The following SESTD1 variants were observed in gnomAD, a reference collection of about 807,000 sequenced individuals.
SESTD1 encodes the protein SEC14 and spectrin domain containing 1, also known as SEC14 domain and spectrin repeat-containing protein 1.
A neutral mutation model predicts 101.7 loss-of-function variants in SESTD1; 43 were observed. That is an observed-to-expected ratio of 0.42 (90% CI 0.33 to 0.55). The LOEUF is 0.55. Ranked by LOEUF, SESTD1 falls within the 20% of genes least tolerant of loss-of-function variation. SESTD1 has a pLI of 0.07. For missense variants in SESTD1, 647 were observed against 815.1 expected (o/e 0.79, Z 2.51); for synonymous variants, 283 against 286.8 (o/e 0.99, Z 0.13).
At chr2:179,234,887 T>C (rs368067771) in intron 1 of SESTD1, among the ~76,000 whole-genome samples, 79 of 151,780 alleles carry the variant, frequency 5.2e-4, no homozygotes, top group African/African-American at 1.7e-3. Flanking sequence ...GGTGGGAGGA[T>C]TGCTTGAGGC....
At position 179,107,391 on chromosome 2, in the gene SESTD1, G is replaced by C. The variant is rs2044407184; in HGVS notation, c.*2508C>G. On this transcript the variant is annotated 3_prime_UTR_variant, in exon 18 of 18. Transcript: ENST00000428443. Reference sequence around the variant, plus strand: ...ATCCTGCCTTATTTTACTTTTTGTAGGCAAGATAGCTTAAGGTATATAAAA... The same window carrying C: ...ATCCTGCCTTATTTTACTTTTTGTACGCAAGATAGCTTAAGGTATATAAAA... The C allele has an allele frequency of 6.6e-6, 1 of 152,040 alleles. No homozygotes were observed. Among genetic ancestry groups the C allele is most frequent in the Non-Finnish European group, 1.5e-5 (1 of 67,988 alleles). The allele number at this position is 152,040 out of a possible 1,614,324, so 9.4% of individuals were successfully genotyped here.
intron 17 of SESTD1, among the ~76,000 whole-genome samples, chr2:179,111,977 C>T (rs1233713559): frequency 1.3e-5 from 2 of 152,146 alleles, no homozygotes; most frequent in African/African-American, 4.8e-5. Flanking sequence ...CTTTGGCCTC[C>T]CAAACTGCTG....
chr2:179,203,743 C>G (rs1013273904), intron 1 of SESTD1, among the ~76,000 whole-genome samples: 5 of 133,830 alleles, frequency 3.7e-5, no homozygotes, highest in African/African-American at 5.9e-5. Context: ...GGACCCAATA[C>G]TTGTGCCTGG....
At position 179,154,216 on chromosome 2, in the gene SESTD1, G is replaced by A. The variant is rs1280959381; in HGVS notation, c.370-2825C>T. Reference sequence around the variant, plus strand: ...ACTGCACTCCAGCCTGGGGGTCAGAGAACCCCATGAAGAAAAGAACGGAAG... The same window carrying A: ...ACTGCACTCCAGCCTGGGGGTCAGAAAACCCCATGAAGAAAAGAACGGAAG... On this transcript the variant is annotated intron_variant, in intron 5 of 17. Coordinates refer to ENST00000428443, the MANE Select transcript of SESTD1 (RefSeq NM_178123.5). 2.1e-5 allele frequency among the ~76,000 whole-genome samples: 3 copies of A among 142,500 alleles called. No individual in the cohort carries two copies. In the Admixed American group the frequency reaches 2.2e-4, roughly 10 times the overall value. The allele number at this position is 142,500 out of a possible 152,430, so 93.5% of individuals were successfully genotyped here. A position where few individuals can be genotyped will look rare whatever the true frequency, so the allele number is the denominator to read the frequency against.
chr2:179,137,839 G>C (rs544340184), intron 9 of SESTD1, among the ~76,000 whole-genome samples: 1 of 152,256 alleles, frequency 6.6e-6, no homozygotes, highest in Non-Finnish European at 1.5e-5. Flanking sequence ...TGATTTAACA[G>C]AGATACTCAG....
At chr2:179,201,951 A>C (rs1033392569) in intron 1 of SESTD1, among the ~76,000 whole-genome samples, 2 of 128,434 alleles carry the variant, frequency 1.6e-5, no homozygotes, top group Non-Finnish European at 3.3e-5. Context: ...TAATAATAAT[A>C]ATAATAAAGA....
At chr2:179,164,031 T>C (rs776941974) in intron 5 of SESTD1, among the ~76,000 whole-genome samples, 14 of 152,214 alleles carry the variant, frequency 9.2e-5, no homozygotes, top group Non-Finnish European at 2.1e-4. Context: ...TTGCTAAGAA[T>C]GTGCGTGCAA....
Position 179,105,745 on chromosome 2 carries a change from G to A in SESTD1, c.*4154C>T, listed in dbSNP as rs975556052. On this transcript the variant is annotated 3_prime_UTR_variant, in exon 18 of 18. Coordinates refer to ENST00000428443, the MANE Select transcript of SESTD1 (RefSeq NM_178123.5). ...CATATTTTATTCTTGAAATTGGTAT[G>A]ACTTCTCTGTTTTACAGCCTGAGAT... is the stretch of plus-strand genomic sequence containing the variant. The A allele has an allele frequency of 1.3e-5, 2 of 152,108 alleles. No homozygotes were observed. Among genetic ancestry groups the A allele is most frequent in the Non-Finnish European group, 2.9e-5 (2 of 68,002 alleles). 9.4% of individuals were successfully genotyped at this position (152,108 alleles called of 1,614,324 possible).
At chr2:179,206,113 G>A (rs922351028) in intron 1 of SESTD1, among the ~76,000 whole-genome samples, 4 of 135,088 alleles carry the variant, frequency 3.0e-5, no homozygotes, top group African/African-American at 1.2e-4. Context: ...ACAATAAAAT[G>A]TTAAATAACA....
In SESTD1 at chr2:179,217,845, C is replaced by T. The variant is rs578251786; in HGVS notation, c.-25-25979G>A. On this transcript the variant is annotated intron_variant, in intron 1 of 17. Transcript: ENST00000428443. ...GTCCTTTGCAGAAACATGGATGAAG[C>T]TGGAAACCATCATTCTCAGCAAACT... is the stretch of plus-strand genomic sequence containing the variant. Among the ~76,000 whole-genome samples the T allele has an allele frequency of 2.0e-3, 301 of 152,222 alleles. 1 individual carries two copies. The highest frequency in any genetic ancestry group is 6.7e-3 in the African/African-American group (279 of 41,540).
chr2:179,112,243 C>T (rs2044527273), intron 17 of SESTD1, among the ~76,000 whole-genome samples: 1 of 152,144 alleles, frequency 6.6e-6, no homozygotes, highest in African/African-American at 2.4e-5. Context: ...CTGTGAAATC[C>T]TGAGAGCCTT....
chr2:179,264,050 G>A (rs12105846), intron 1 of SESTD1: 58,795 of 152,236 alleles, frequency 0.39, 14,748 homozygotes, highest in African/African-American at 0.72. Flanking sequence ...CCGAGAGCAG[G>A]GAGCCACATC....
chr2:179,196,921 G>A (rs1006696682), intron 1 of SESTD1, among the ~76,000 whole-genome samples: 4 of 152,208 alleles, frequency 2.6e-5, no homozygotes, highest in South Asian at 4.1e-4. Context: ...CCAAAGGAAC[G>A]CAGTTCCTCA....
At chr2:179,185,792 A>T (rs2046217450) in intron 2 of SESTD1, among the ~76,000 whole-genome samples, 2 of 130,040 alleles carry the variant, frequency 1.5e-5, no homozygotes, top group Non-Finnish European at 3.1e-5. Flanking sequence ...ATAGTATACA[A>T]TATATAATAT....
intron 16 of SESTD1, among the ~76,000 whole-genome samples, chr2:179,114,795 A>G (rs2044591708): frequency 6.6e-6 from 1 of 152,208 alleles, no homozygotes; most frequent in African/African-American, 2.4e-5. Flanking sequence ...TCTGGACACC[A>G]GGCTTGGTGA....
intron 9 of SESTD1, among the ~76,000 whole-genome samples, chr2:179,134,977 C>G (rs1042448636): frequency 1.3e-5 from 2 of 152,110 alleles, no homozygotes; most frequent in African/African-American, 4.8e-5. Flanking sequence ...TGGAGTCTTG[C>G]TCTGTTGTCC....
chr2:179,135,353 G>C (rs999116128), intron 9 of SESTD1, among the ~76,000 whole-genome samples: 3 of 152,166 alleles, frequency 2.0e-5, no homozygotes, highest in African/African-American at 7.2e-5. Context: ...GCTTATTCAA[G>C]GTATGTGATA....
intron 1 of SESTD1, chr2:179,264,276 G>A (rs1220748656): frequency 6.6e-6 from 1 of 152,200 alleles, no homozygotes; most frequent in Non-Finnish European, 1.5e-5. Context: ...CTTTGTCTGT[G>A]GCGGCAAGGC....
chr2:179,176,535 C>G lies in SESTD1; in HGVS notation c.168G>C (p.Glu56Asp), dbSNP rs1873484. Reference sequence around the variant, plus strand: ...CGGTAAATCCTCTAGCCTTACACTTCTCACTGAAACAAAATAAAATTACAA... The same window carrying G: ...CGGTAAATCCTCTAGCCTTACACTTGTCACTGAAACAAAATAAAATTACAA... The part of the protein sequence containing the change: ...TLDYLLSIPS[E>D]KCKARGFTVI... Residue 56 changes from glutamate (E) to aspartate (D), a missense_variant, in exon 4 of 18, where the codon GAG becomes GAC. Glu to Asp is a conservative substitution (Grantham distance 45). Coordinates refer to ENST00000428443, the MANE Select transcript of SESTD1 (RefSeq NM_178123.5). 6.2e-7 allele frequency: 1 copy of G among 1,611,020 alleles called. No homozygotes were observed. Among genetic ancestry groups the G allele is most frequent in the Non-Finnish European group, 8.5e-7 (1 of 1,178,494 alleles).
Sources: allele counts gnomAD v4.1 joint callset (sites outside exome capture counted in the v4.1 genomes callset), GRCh38; gene constraint gnomAD v4.1.1; transcripts MANE v1.5; gene names NCBI Gene and HGNC (gene_info 2026-07-23, HGNC 2026-07-21).